TRAP1: variants seen among roughly 807,000 people sequenced by gnomAD.
TRAP1 encodes heat shock protein 75 kDa, mitochondrial.
In TRAP1, 102 loss-of-function variants were observed where a neutral mutation model predicts 89.1. The ratio of observed to expected loss-of-function variants is 1.15; its 90% CI spans 0.98 to 1.35. The LOEUF (loss-of-function observed/expected upper bound fraction) is 1.35. Among genes scored for constraint, TRAP1 ranks in the 40% most tolerant of loss-of-function variants. TRAP1 has a pLI of 0.00. For missense variants in TRAP1, 1,256 were observed against 945.3 expected, an observed-to-expected ratio of 1.33 and a Z score of -4.31; for synonymous variants, 508 against 388.0, an observed-to-expected ratio of 1.31 and a Z score of -3.64.
intron 1 of TRAP1, among the ~76,000 whole-genome samples, chr16:3,696,955 G>C (rs1422963255): frequency 1.3e-5 from 2 of 152,096 alleles, no homozygotes; most frequent in Non-Finnish European, 2.9e-5. Flanking sequence ...TCAAACTCCT[G>C]AGCTCAAGTG....
chr16:3,697,663 C>CA (rs563704469), intron 1 of TRAP1, among the ~76,000 whole-genome samples: 32,071 of 101,106 alleles, frequency 0.32, 3,956 homozygotes, highest in South Asian at 0.45. Flanking sequence ...GACTCTGTCT[C>CA]AAAAAAAAAA....
At chr16:3,692,026 C>T (rs73489742) in intron 1 of TRAP1, among the ~76,000 whole-genome samples, 7,018 of 152,214 alleles carry the variant, frequency 0.046, 523 homozygotes, top group African/African-American at 0.16. Flanking sequence ...AACACCAACA[C>T]CCACTGACCC....
At chr16:3,693,698 G>A (rs543076218) in intron 1 of TRAP1, among the ~76,000 whole-genome samples, 1 of 152,154 alleles carries the variant, frequency 6.6e-6, no homozygotes, top group East Asian at 1.9e-4. Flanking sequence ...TTTCAAAAAG[G>A]TCCACAGTTC....
At chr16:3,674,680 A>G in intron 8 of TRAP1, 186 bp from the exon 9 acceptor site, 1 of 680,444 alleles carries the variant, frequency 1.5e-6, no homozygotes, top group Non-Finnish European at 2.4e-6. Flanking sequence ...CAGGGGAGAC[A>G]CACAAGGCTC....
chr16:3,680,047 T>A (rs1264463104), intron 4 of TRAP1: 4 of 394,880 alleles, frequency 1.0e-5, no homozygotes, highest in Admixed American at 3.6e-5. Context: ...CTGGCCAACA[T>A]GGTAAAACCC....
intron 1 of TRAP1, among the ~76,000 whole-genome samples, chr16:3,693,718 C>A (rs1030288675): frequency 2.0e-5 from 3 of 152,188 alleles, no homozygotes; most frequent in African/African-American, 7.2e-5. Context: ...CTGAGCCAGG[C>A]ACACAACCTC....
chr16:3,661,823 T>C, intron 16 of TRAP1, 164 bp downstream of exon 16: 2 of 909,738 alleles, frequency 2.2e-6, no homozygotes, highest in Middle Eastern at 2.5e-4. Flanking sequence ...CCAGGTTCCA[T>C]TTCACATGGG....
At chr16:3,706,302 T>C (rs2051444795) in intron 1 of TRAP1, among the ~76,000 whole-genome samples, 1 of 151,678 alleles carries the variant, frequency 6.6e-6, no homozygotes, top group South Asian at 2.1e-4. Context: ...GGGGTGGGGG[T>C]CTCACTATGT....
At chr16:3,675,544 G>C (rs1311119966) in intron 7 of TRAP1, 147 bp from the exon 8 acceptor site, 21 of 715,058 alleles carry the variant, frequency 2.9e-5, no homozygotes, top group Admixed American at 4.8e-5. Flanking sequence ...GGGCACAGTG[G>C]GGACACCTGT....
At chr16:3,680,384 C>T (rs573053240) in intron 4 of TRAP1, among the ~76,000 whole-genome samples, 1 of 152,360 alleles carries the variant, frequency 6.6e-6, no homozygotes, top group East Asian at 1.9e-4. Flanking sequence ...AGGAAAAGCA[C>T]AGCTCTCCCA....
intron 4 of TRAP1, among the ~76,000 whole-genome samples, chr16:3,681,823 C>T (rs2051076962): frequency 6.6e-6 from 1 of 152,202 alleles, no homozygotes; most frequent in South Asian, 2.1e-4. Context: ...CAATCCCAGT[C>T]TAAATCCTCA....
Position 3,685,977 on chromosome 16 carries a change from T to C in TRAP1, c.471+19A>G. On this transcript the variant is annotated intron_variant, in intron 4 of 17. Transcript: ENST00000246957. Reference sequence around the variant, plus strand: ...TGCATGGCCGGGCCTGCCACACGCCTGGACACTGAGGGAGGTACCTGGATG... The same window carrying C: ...TGCATGGCCGGGCCTGCCACACGCCCGGACACTGAGGGAGGTACCTGGATG... 4 of 1,612,690 alleles carry C rather than the reference T, an allele frequency of 2.5e-6. No individual in the cohort carries two copies. The highest frequency in any genetic ancestry group is 3.4e-6 in the Non-Finnish European group (4 of 1,179,272).
At chr16:3,705,330 A>C (rs1158512058) in intron 1 of TRAP1, among the ~76,000 whole-genome samples, 1 of 151,974 alleles carries the variant, frequency 6.6e-6, no homozygotes, top group African/African-American at 2.4e-5. Context: ...CGGCCTCCCA[A>C]AGTGCTGGGA....
At chr16:3,716,583 T>C (rs1013113051) in intron 1 of TRAP1, among the ~76,000 whole-genome samples, 1 of 152,146 alleles carries the variant, frequency 6.6e-6, no homozygotes, top group African/African-American at 2.4e-5. Context: ...GCGTTAAAAT[T>C]TTCTGAAGTA....
At chr16:3,671,570 G>C (rs1424392831) in intron 11 of TRAP1, 152 bp downstream of exon 11, 1 of 736,588 alleles carries the variant, frequency 1.4e-6, no homozygotes, top group African/African-American at 1.8e-5. Flanking sequence ...CCAGCACCTG[G>C]AAGGCTCCTG....
At chr16:3,681,214 G>C (rs1031659597) in intron 4 of TRAP1, among the ~76,000 whole-genome samples, 3 of 152,160 alleles carry the variant, frequency 2.0e-5, no homozygotes, top group African/African-American at 7.2e-5. Context: ...CTCAGAAACA[G>C]TTTTCTGAAC....
chr16:3,707,044 GT>G (rs1264133347), intron 1 of TRAP1, among the ~76,000 whole-genome samples: 1 of 151,904 alleles, frequency 6.6e-6, no homozygotes, highest in Non-Finnish European at 1.5e-5. Flanking sequence ...TGTATCACCT[GT>G]TTTTTTGTTG....
chr16:3,667,169 C>T (rs1026567518), intron 11 of TRAP1, among the ~76,000 whole-genome samples: 2 of 152,064 alleles, frequency 1.3e-5, no homozygotes, highest in Non-Finnish European at 2.9e-5. Flanking sequence ...GTATGGGTGT[C>T]AGAGCCCAAG....
intron 4 of TRAP1, among the ~76,000 whole-genome samples, chr16:3,681,389 G>A (rs557067759): frequency 6.6e-6 from 1 of 152,318 alleles, no homozygotes; most frequent in African/African-American, 2.4e-5. Flanking sequence ...CAGGGAGACT[G>A]GCCAGCTGTC....
Sources: gnomAD v4.1 joint callset for allele counts (sites outside exome capture counted in the v4.1 genomes callset) on GRCh38, gnomAD v4.1.1 for gene constraint, MANE v1.5 for transcripts, NCBI Gene and HGNC (gene_info 2026-07-23, HGNC 2026-07-21) for gene names.